Variants in TTN observed in about 807,000 individuals in gnomAD.
TTN encodes the protein connectin.
In TTN, 1,525 loss-of-function variants were observed where a neutral mutation model predicts 3,223.0. That is an observed-to-expected ratio of 0.47 (90% CI 0.45 to 0.49). The LOEUF is 0.49. TTN is among the 20% of genes least tolerant of loss of function. The probability of loss-of-function intolerance (pLI) is 0.00; values close to 1 mark genes in which losing one functional copy is unlikely to be tolerated. For synonymous variants in TTN, 14,094 were observed against 15,161.0 expected, an observed-to-expected ratio of 0.93 and a Z score of 5.17; for missense variants, 40,786 against 43,424.0, an observed-to-expected ratio of 0.94 and a Z score of 5.40.
chr2:178,530,972 T>C lies in TTN; in HGVS notation c.105643A>G (p.Thr35215Ala). 6.2e-7 allele frequency: 1 copy of C among 1,613,938 alleles called. No homozygotes were observed. Among genetic ancestry groups the C allele is most frequent in the Non-Finnish European group, 8.5e-7 (1 of 1,179,882 alleles). The change falls in exon 358 of 363, where the codon ACT becomes GCT. Residue 35215 changes from threonine (T) to alanine (A), a missense_variant. By Grantham distance (58) the Thr-to-Ala change is moderately conservative. Transcript: ENST00000589042. ...NSEGKQEAEFTLTIQKARVTE... is the reference protein window; with the variant it reads ...NSEGKQEAEFALTIQKARVTE... ...ACCCTGGCCTTTTGAATAGTCAGAG[T>C]GAACTCTGCTTCTTGTTTCCCTTCA...
chr2:178,691,931 G>T, intron 121 of TTN, 85 bp downstream of exon 121: 1 of 1,093,008 alleles, frequency 9.1e-7, no homozygotes, highest in African/African-American at 1.6e-5. Flanking sequence ...AAAAGACAAA[G>T]GCAGCATAGT....
Position 178,784,070 on chromosome 2 carries a change from C to T in TTN, c.2775G>A (p.Lys925=), listed in dbSNP as rs2154350674. Residue 925 remains lysine (K), a splice_region_variant and synonymous_variant, in exon 16 of 363, where the codon AAG becomes AAA. Coordinates refer to ENST00000589042, the MANE Select transcript of TTN (RefSeq NM_001267550.2). The stretch of plus-strand genomic sequence containing the variant: ...TAACAGCGGGTAACCAGTGACCAAC[C>T]TTGGCTTCGCGTCCGTGCAGTACTT... ...RFEVLHGREA[K]VTETARVPAP... 6.2e-7 allele frequency: 1 copy of T among 1,612,804 alleles called. No individual in the cohort carries two copies. Among genetic ancestry groups the T allele is most frequent in the Non-Finnish European group, 8.5e-7 (1 of 1,179,932 alleles).
Position 178,553,596 on chromosome 2 carries a change from T to G in TTN, c.89409A>C (p.Gly29803=). The change falls in exon 334 of 363, where the codon GGA becomes GGC. Residue 29803 remains glycine (G), a synonymous_variant. Transcript: ENST00000589042. ...TEYVVSNLKP[G]VNYYFRVSAV... ...CAGATACCCGGAAGTAGTAATTGAC[T>G]CCAGGTTTCAGGTTGGATACCACAT... 6.2e-7 allele frequency: 1 copy of G among 1,613,916 alleles called. No individual in the cohort carries two copies.
In TTN at chr2:178,564,584, G is replaced by A. The variant is rs1559331817; in HGVS notation, c.81548C>T (p.Thr27183Ile). The A allele has an allele frequency of 6.2e-7, 1 of 1,613,418 alleles. No individual in the cohort carries two copies. Among genetic ancestry groups the A allele is most frequent in the Non-Finnish European group, 8.5e-7 (1 of 1,179,668 alleles). ...PPGRPEAIVI[T>I]RNNVTLKWKK... ...CCATTTCAGTGTGACATTGTTTCTT[G>A]TAATAACAATGGCTTCAGGGCGACC... is the stretch of plus-strand genomic sequence containing the variant. Residue 27183 changes from threonine (T) to isoleucine (I), a missense_variant, in exon 326 of 363, where the codon ACA becomes ATA. Thr to Ile is a moderately conservative substitution (Grantham distance 89). Coordinates refer to ENST00000589042, the MANE Select transcript of TTN (RefSeq NM_001267550.2).
At position 178,698,932 on chromosome 2, in the gene TTN, G is replaced by GAA; in HGVS notation, c.30683-20_30683-19dup. On this transcript the variant is annotated intron_variant, in intron 111 of 362. Coordinates refer to ENST00000589042, the MANE Select transcript of TTN (RefSeq NM_001267550.2). Reference sequence around the variant, plus strand: ...TTTGGTAACTAAAAAAAAAAAAAAAGAAAAAAAAAGAAAAAATATTTCTGG... The same window carrying GAA: ...TTTGGTAACTAAAAAAAAAAAAAAAGAAAAAAAAAAAGAAAAAATATTTCTGG... 3 of 1,114,478 alleles carry GAA rather than the reference G, an allele frequency of 2.7e-6. No individual in the cohort carries two copies. Among genetic ancestry groups the GAA allele is most frequent in the Non-Finnish European group, 3.6e-6 (3 of 831,864 alleles). The allele number at this position is 1,114,478 out of a possible 1,614,324, so 69.0% of individuals were successfully genotyped here.
rs727505248 is a variant in TTN, at chr2:178,613,756, T to C, written c.49527A>G (p.Thr16509=). ...GATGGGGATTCTGAGCATACCTGTA[T>C]GTTGTGTCCTTTACTGGCATCTTAT... ...RCNKMPVKDT[T]YRVKGLTNKK... is the part of the protein sequence containing the mutation. The change falls in exon 263 of 363, where the codon ACA becomes ACG. Residue 16509 remains threonine (T), a synonymous_variant. Transcript: ENST00000589042. The C allele has an allele frequency of 1.9e-6, 3 of 1,612,078 alleles. No individual in the cohort carries two copies. The highest frequency in any genetic ancestry group is 2.5e-6 in the Non-Finnish European group (3 of 1,178,792).
intron 78 of TTN, 65 bp downstream of exon 78, chr2:178,721,782 C>A (rs1393419454): frequency 7.0e-7 from 1 of 1,427,808 alleles, no homozygotes; most frequent in South Asian, 1.9e-5. Flanking sequence ...ACCAAAGAAA[C>A]TTTTATAAGA....
rs1338439054 is a variant in TTN at position 178,759,024 on chromosome 2, A to G, written c.10263T>C (p.Ala3421=). 1 of 1,614,056 alleles carries G rather than the reference A, an allele frequency of 6.2e-7. No homozygotes were observed. Among genetic ancestry groups the G allele is most frequent in the East Asian group, 2.2e-5 (1 of 44,840 alleles). Residue 3421 remains alanine, a synonymous_variant, in exon 44 of 363, where the codon GCT becomes GCC. Transcript: ENST00000589042. ...TGGCTGTGCTTGATACTTGGCCTAC[A>G]GCATTACTAGCAACAAACGTGTAAG... The part of the protein sequence containing the change: ...EGTYTFVASN[A]VGQVSSTANL...
intron 119 of TTN, 143 bp downstream of exon 119, chr2:178,693,466 C>G: frequency 1.9e-6 from 1 of 521,870 alleles, no homozygotes; most frequent in Non-Finnish European, 3.2e-6. Context: ...CTTCCCGTCC[C>G]CCATCACATC....
rs1367460723 is a variant in TTN at position 178,547,202 on chromosome 2, A to G, written c.94323T>C (p.Ile31441=). ...GTTCTTTCTTCTCAACCCAGTAGCC[A>G]ATGATTTTACTGCCACCATCGTGGT... The part of the protein sequence containing the change: ...EPYHDGGSKI[I]GYWVEKKERN... Residue 31441 remains isoleucine, a synonymous_variant, in exon 340 of 363, where the codon ATT becomes ATC. Coordinates refer to ENST00000589042, the MANE Select transcript of TTN (RefSeq NM_001267550.2). 1 of 1,613,860 alleles carries G rather than the reference A, an allele frequency of 6.2e-7. No individual in the cohort carries two copies. The highest frequency in any genetic ancestry group is 1.1e-5 in the South Asian group (1 of 91,084).
intron 223 of TTN, among the ~76,000 whole-genome samples, chr2:178,638,728 C>T (rs1028258736): frequency 6.6e-5 from 10 of 151,828 alleles, no homozygotes; most frequent in African/African-American, 2.2e-4. Context: ...CCACCGCCCC[C>T]GCTTTAAATT....
intron 207 of TTN, 46 bp downstream of exon 207, chr2:178,651,407 T>C: frequency 6.2e-7 from 1 of 1,601,736 alleles, no homozygotes; most frequent in Non-Finnish European, 8.5e-7. Flanking sequence ...TTTTAGAAGC[T>C]GGGGGCTCCA....
chr2:178,776,688 G>C lies in TTN; in HGVS notation c.5176C>G (p.Leu1726Val), dbSNP rs2092262370. ...RFGPAHFECR[L>V]TPIGDPTMVV... ...ATCGTTGGGTCACCAATGGGTGTTA[G>C]CCTGCATTCAAAGTGGGCAGGCCCA... Residue 1726 changes from leucine (L) to valine (V), a missense_variant, in exon 28 of 363, where the codon CTA becomes GTA. Coordinates refer to ENST00000589042, the MANE Select transcript of TTN (RefSeq NM_001267550.2). 1.2e-6 allele frequency: 2 copies of C among 1,614,016 alleles called. No homozygotes were observed. The highest frequency in any genetic ancestry group is 1.3e-5 in the African/African-American group (1 of 74,938).
chr2:178,729,503 A>C lies in TTN; in HGVS notation c.18653T>G (p.Leu6218Arg), dbSNP rs727505193. Residue 6218 changes from leucine (L) to arginine (R), a missense_variant, in exon 64 of 363, where the codon CTG (leucine) becomes CGG (arginine). Coordinates refer to ENST00000589042, the MANE Select transcript of TTN (RefSeq NM_001267550.2). ...VEVVKYSDVE[L>R]ECEVTGTPPF... ...AGGTGTTCCCGTAACTTCACACTCC[A>C]GCTCCACGTCACTATATTTTACTAC... 1.1e-5 allele frequency: 18 copies of C among 1,613,440 alleles called. No individual in the cohort carries two copies. In the African/African-American group the frequency reaches 2.1e-4, roughly 19 times the overall value.
At chr2:178,606,941 T>C in intron 278 of TTN, 80 bp downstream of exon 278, 1 of 1,498,892 alleles carries the variant, frequency 6.7e-7, no homozygotes, top group South Asian at 1.3e-5. Flanking sequence ...TGTTGGGAGT[T>C]TGAAGCCATA....
intron 43 of TTN, 21 bp from the exon 44 acceptor site, chr2:178,759,193 G>A: frequency 6.2e-7 from 1 of 1,613,598 alleles, no homozygotes; most frequent in East Asian, 2.2e-5. Context: ...AAAGAAAAGA[G>A]ATACTTCAAC....
At position 178,535,112 on chromosome 2, in the gene TTN, G is replaced by A. The variant is rs781516399; in HGVS notation, c.101503C>T (p.Arg33835Cys). Residue 33835 changes from arginine to cysteine, a missense_variant, in exon 358 of 363, where the codon CGT (arginine) becomes TGT (cysteine). Transcript: ENST00000589042. Reference sequence around the variant, plus strand: ...TTCTTTGAGGATGTTTCAACACAACGATGGACAATTCCAAACTCACCACGC... The same window carrying A: ...TTCTTTGAGGATGTTTCAACACAACAATGGACAATTCCAAACTCACCACGC... ...LGRGEFGIVH[R>C]CVETSSKKTY... 5 of 1,613,698 alleles carry A rather than the reference G, an allele frequency of 3.1e-6. No homozygotes were observed. Among genetic ancestry groups the A allele is most frequent in the East Asian group, 2.2e-5 (1 of 44,878 alleles).
At position 178,572,830 on chromosome 2, in the gene TTN, C is replaced by T; in HGVS notation, c.73302G>A (p.Leu24434=). Residue 24434 remains leucine, a synonymous_variant, in exon 326 of 363, where the codon CTG becomes CTA. Transcript: ENST00000589042. ...AGGCCCTTATAGTAACAACTTTGCG[C>T]AGGTCAGCATCCAGTTCAATTTCTG... ...LPPEIELDAD[L]RKVVTIRACC... 2 of 1,613,372 alleles carry T rather than the reference C, an allele frequency of 1.2e-6. No individual in the cohort carries two copies. The highest frequency in any genetic ancestry group is 1.7e-6 in the Non-Finnish European group (2 of 1,179,568).
chr2:178,599,448 A>G lies in TTN; in HGVS notation c.56348-3T>C. 1 of 1,522,630 alleles carries G rather than the reference A, an allele frequency of 6.6e-7. No individual in the cohort carries two copies. Among genetic ancestry groups the G allele is most frequent in the Non-Finnish European group, 8.8e-7 (1 of 1,138,734 alleles). 94.3% of individuals were successfully genotyped at this position (1,522,630 alleles called of 1,614,324 possible). Reference sequence around the variant, plus strand: ...TCCCACTGGAGGGCCAGGACGACCTAAAATGGTTTAAAGAAGGAACCCTTT... The same window carrying G: ...TCCCACTGGAGGGCCAGGACGACCTGAAATGGTTTAAAGAAGGAACCCTTT... On this transcript the variant is annotated splice_region_variant and splice_polypyrimidine_tract_variant and intron_variant, in intron 289 of 362. Coordinates refer to ENST00000589042, the MANE Select transcript of TTN (RefSeq NM_001267550.2).
Sources: gnomAD v4.1 joint callset for allele counts (sites outside exome capture counted in the v4.1 genomes callset) on GRCh38, gnomAD v4.1.1 for gene constraint, MANE v1.5 for transcripts, NCBI Gene and HGNC (gene_info 2026-07-23, HGNC 2026-07-21) for gene names.